The following SLC6A6 variants were observed in gnomAD, a reference collection of about 807,000 sequenced individuals.
SLC6A6 encodes the protein solute carrier family 6 member 6, also known as sodium- and chloride-dependent taurine transporter.
In SLC6A6, 16 loss-of-function variants were observed where a neutral mutation model predicts 68.8. That is an observed-to-expected ratio of 0.23 (90% confidence interval 0.16 to 0.35). The LOEUF (loss-of-function observed/expected upper bound fraction) is 0.35. SLC6A6 is among the 10% of genes least tolerant of loss of function. The pLI is 1.00. For missense variants in SLC6A6, 474 were observed against 802.8 expected (o/e 0.59, Z 4.95); for synonymous variants, 312 against 315.4 (o/e 0.99, Z 0.12).
rs373426042 is a variant in SLC6A6 at position 14,467,967 on chromosome 3, C to T, written c.971+11C>T. On this transcript the variant is annotated intron_variant, in intron 8 of 14. Coordinates refer to ENST00000622186, the MANE Select transcript of SLC6A6 (RefSeq NM_003043.6). The stretch of plus-strand genomic sequence containing the variant: ...GTATAACTCGTACAGGCAAGTGTTG[C>T]GCCGGCGGGCCTGGTGGACTTTAGA... 800 of 1,608,892 alleles carry T rather than the reference C, an allele frequency of 5.0e-4. 1 individual carries two copies. Among genetic ancestry groups the T allele is most frequent in the Non-Finnish European group, 6.1e-4 (722 of 1,175,730 alleles).
At chr3:14,414,190 C>G (rs1016125891) in intron 1 of SLC6A6, among the ~76,000 whole-genome samples, 1 of 152,192 alleles carries the variant, frequency 6.6e-6, no homozygotes, top group African/African-American at 2.4e-5. Context: ...GCCCTAGCTG[C>G]TCACCAGTGT....
chr3:14,435,303 T>G (rs1699826458), intron 2 of SLC6A6, among the ~76,000 whole-genome samples: 1 of 152,196 alleles, frequency 6.6e-6, no homozygotes, highest in Non-Finnish European at 1.5e-5. Flanking sequence ...GAGGCTTTTC[T>G]GCAGGGCTTA....
chr3:14,418,750 T>A (rs1403651592), intron 2 of SLC6A6, among the ~76,000 whole-genome samples: 1 of 152,226 alleles, frequency 6.6e-6, no homozygotes, highest in African/African-American at 2.4e-5. Flanking sequence ...CACAGACTCA[T>A]GCACAGCCTC....
chr3:14,433,673 A>G (rs2880210), intron 2 of SLC6A6, among the ~76,000 whole-genome samples: 1 of 79,668 alleles, frequency 1.3e-5, no homozygotes, highest in Non-Finnish European at 2.9e-5. Context: ...GCGTGGTGGC[A>G]GGCACCTGTA....
At chr3:14,449,044 C>T (rs1337684687) in intron 5 of SLC6A6, among the ~76,000 whole-genome samples, 1 of 152,214 alleles carries the variant, frequency 6.6e-6, no homozygotes, top group Non-Finnish European at 1.5e-5. Context: ...TGTGGTTTTG[C>T]CATTTTCAAG....
chr3:14,409,551 A>G (rs1312824226), intron 1 of SLC6A6, among the ~76,000 whole-genome samples: 3 of 152,246 alleles, frequency 2.0e-5, no homozygotes, highest in African/African-American at 4.8e-5. Context: ...CGTCCCACTG[A>G]CCGCACGGCA....
chr3:14,416,517 G>A (rs1359521837), intron 2 of SLC6A6, 64 bp downstream of exon 2: 1 of 398,128 alleles, frequency 2.5e-6, no homozygotes, highest in Non-Finnish European at 4.4e-6. Flanking sequence ...ACCCAAGGTG[G>A]GGGGCTCAGG....
chr3:14,467,023 G>T (rs955018887), intron 7 of SLC6A6, among the ~76,000 whole-genome samples: 1 of 152,212 alleles, frequency 6.6e-6, no homozygotes, highest in African/African-American at 2.4e-5. Context: ...TGGGAGAGTC[G>T]GGGCCTGGAG....
chr3:14,445,962 C>A, intron 4 of SLC6A6, 111 bp downstream of exon 4: 1 of 1,076,098 alleles, frequency 9.3e-7, no homozygotes, highest in Non-Finnish European at 1.4e-6. Flanking sequence ...CATCACTTAG[C>A]TCTATGCTGA....
chr3:14,405,860 C>A (rs370840953), intron 1 of SLC6A6, among the ~76,000 whole-genome samples: 154 of 152,240 alleles, frequency 1.0e-3, no homozygotes, highest in African/African-American at 3.5e-3. Flanking sequence ...GCTCCTGTCC[C>A]AGAGGTAGAA....
rs377226178 is a variant in SLC6A6, at chr3:14,445,678, T to G, written c.230-39T>G. 5.0e-6 allele frequency: 8 copies of G among 1,613,434 alleles called. No homozygotes were observed. The African/African-American group carries it at 8.0e-5, about 16-fold the overall frequency. ...GGAGCCTTCTGCGTCGGCGCTGCCA[T>G]GGCCACAGCCTCACTTTTGCCCATT... On this transcript the variant is annotated intron_variant, in intron 3 of 14. Transcript: ENST00000622186.
chr3:14,457,879 G>A (rs1700404756), intron 5 of SLC6A6, 71 bp from the exon 6 acceptor site: 2 of 1,525,990 alleles, frequency 1.3e-6, no homozygotes, highest in Non-Finnish European at 1.8e-6. Flanking sequence ...GCCTGTTAAT[G>A]TCCGAGCCTT....
At position 14,419,798 on chromosome 3, in the gene SLC6A6, C is replaced by A. The variant is rs61255669; in HGVS notation, c.-12+3345C>A. The stretch of plus-strand genomic sequence containing the variant: ...ATTTTATCCCCCAAGGTGAGCCCCC[C>A]CTAGAGCAACTCCCCACCCCCTCAG... On this transcript the variant is annotated intron_variant, in intron 2 of 14. Transcript: ENST00000622186. Among the ~76,000 whole-genome samples the A allele has an allele frequency of 5.5e-4, 83 of 152,158 alleles. 2 individuals carry two copies. In the South Asian group the frequency reaches 0.015, roughly 27 times the overall value.
rs1011712744 is a variant in SLC6A6, at chr3:14,468,454, G to A, written c.1096+242G>A. ...AAAAGCATGGGGGGTGGTTAAGTTG[G>A]GGAATTTTTAGCTACCTTAGTGTGG... On this transcript the variant is annotated intron_variant, in intron 9 of 14. Coordinates refer to ENST00000622186, the MANE Select transcript of SLC6A6 (RefSeq NM_003043.6). This position sits in a 1 kb window ranked among gnomAD's most constrained non-coding sequence, Gnocchi z 4.5. Among the ~76,000 whole-genome samples the A allele has an allele frequency of 6.6e-6, 1 of 151,772 alleles. No individual in the cohort carries two copies. Among genetic ancestry groups the A allele is most frequent in the Non-Finnish European group, 1.5e-5 (1 of 67,960 alleles).
intron 2 of SLC6A6, among the ~76,000 whole-genome samples, chr3:14,428,802 G>C (rs1283414473): frequency 6.6e-6 from 1 of 152,178 alleles, no homozygotes; most frequent in Non-Finnish European, 1.5e-5. Flanking sequence ...CCCTATGCCT[G>C]GGGAGGTGGT....
chr3:14,478,426 C>A (rs2124995940), intron 11 of SLC6A6, 40 bp from the exon 12 acceptor site: 2 of 1,240,744 alleles, frequency 1.6e-6, no homozygotes, highest in Non-Finnish European at 2.4e-6. Flanking sequence ...AATTGGAGAC[C>A]AGGTAGGAAA....
intron 1 of SLC6A6, among the ~76,000 whole-genome samples, chr3:14,416,069 G>C (rs368117043): frequency 6.6e-6 from 1 of 152,220 alleles, no homozygotes; most frequent in East Asian, 1.9e-4. Flanking sequence ...GCATCCAAGA[G>C]AGGGGCGTGT....
Position 14,457,992 on chromosome 3 carries a change from C to G in SLC6A6, c.642C>G (p.Gly214=), listed in dbSNP as rs769387760. ...TGTCCCCTGGAATCGACCACCCAGG[C>G]TCTCTGAAATGGGACCTCGCTCTCT... ...LSLSPGIDHP[G]SLKWDLALCL... The change falls in exon 6 of 15, where the codon GGC becomes GGG. Residue 214 remains glycine, a synonymous_variant. Transcript: ENST00000622186. The G allele has an allele frequency of 6.2e-7, 1 of 1,613,972 alleles. No homozygotes were observed. The highest frequency in any genetic ancestry group is 8.5e-7 in the Non-Finnish European group (1 of 1,179,788).
intron 1 of SLC6A6, among the ~76,000 whole-genome samples, chr3:14,404,818 G>A (rs751148767): frequency 1.2e-4 from 18 of 152,236 alleles, no homozygotes; most frequent in East Asian, 1.9e-4. Context: ...TCACTGTGGT[G>A]TATGGCAAGG....
Sources: allele counts gnomAD v4.1 joint callset (sites outside exome capture counted in the v4.1 genomes callset), GRCh38; gene constraint gnomAD v4.1.1; non-coding constraint Gnocchi (gnomAD v3.1); transcripts MANE v1.5; gene names NCBI Gene and HGNC (gene_info 2026-07-23, HGNC 2026-07-21).